The following TEX9 variants were observed in gnomAD, a reference collection of about 807,000 sequenced individuals.
The protein encoded by TEX9 is testis-expressed protein 9.
A neutral mutation model predicts 59.6 loss-of-function variants in TEX9; 74 were observed. The observed-to-expected ratio is 1.24, with a 90% CI of 1.03 to 1.51. The LOEUF (loss-of-function observed/expected upper bound fraction) is 1.51, where lower values mean the gene tolerates loss of function less well. Ranked by LOEUF, TEX9 falls within the 40% of genes most tolerant of loss-of-function variation. The probability of loss-of-function intolerance (pLI) is 0.00; values close to 1 mark genes in which losing one functional copy is unlikely to be tolerated. For missense variants in TEX9, 522 were observed against 447.8 expected (o/e 1.17, Z -1.49); for synonymous variants, 186 against 152.2 (o/e 1.22, Z -1.64).
rs150294064 is a variant in TEX9 at position 56,254,288 on chromosome 15, T to G, written c.-107+10010T>G. ...GATTGCTGAGGAGGTAGGATAAATT[T>G]CAGGGATGCTACAAGCTCAGAGAGA... On this transcript the variant is annotated intron_variant, in intron 1 of 5. Transcript: ENST00000560827. Among the ~76,000 whole-genome samples the G allele has an allele frequency of 5.8e-3, 875 of 152,126 alleles. 7 individuals are homozygous for G. The highest frequency in any genetic ancestry group is 0.02 in the African/African-American group (826 of 41,514).
At chr15:56,456,579 G>C in the TEX9 span, 1 of 1,565,492 alleles carries the variant, frequency 6.4e-7, no homozygotes, top group South Asian at 1.2e-5. Flanking sequence ...TTTTCATCAA[G>C]GTTGAATTTG....
At chr15:56,354,360 T>A (rs2141888613) in intron 1 of TEX9, among the ~76,000 whole-genome samples, 1 of 152,256 alleles carries the variant, frequency 6.6e-6, no homozygotes, top group Non-Finnish European at 1.5e-5. Context: ...ACTACCTCCA[T>A]CAGTCATCAT....
At chr15:56,369,976 A>G (rs1360679729) in intron 2 of TEX9, among the ~76,000 whole-genome samples, 1 of 128,842 alleles carries the variant, frequency 7.8e-6, no homozygotes, top group African/African-American at 2.8e-5. Context: ...TGCAGTGTCT[A>G]TCTTTCTTCA....
chr15:56,295,690 C>T (rs1010028455), intron 1 of TEX9, among the ~76,000 whole-genome samples: 3 of 152,216 alleles, frequency 2.0e-5, no homozygotes, highest in Non-Finnish European at 4.4e-5. Flanking sequence ...AATTTTACTA[C>T]TTTGTATGCC....
chr15:56,370,854 A>G lies in TEX9; in HGVS notation c.120-2587A>G, dbSNP rs149789470. Reference sequence around the variant, plus strand: ...AATACTGTCATTCTCTCCTCTTGGGATTTCTTTTTTTCTCTTTTGGAGACA... The same window carrying G: ...AATACTGTCATTCTCTCCTCTTGGGGTTTCTTTTTTTCTCTTTTGGAGACA... On this transcript the variant is annotated intron_variant, in intron 2 of 12. Transcript: ENST00000352903. Among the ~76,000 whole-genome samples the G allele has an allele frequency of 8.7e-3, 1,327 of 151,716 alleles. 23 individuals carry two copies. Among genetic ancestry groups the G allele is most frequent in the African/African-American group, 0.03 (1,251 of 41,346 alleles).
At chr15:56,403,677 A>T (rs1332545773) in intron 9 of TEX9, among the ~76,000 whole-genome samples, 2 of 152,244 alleles carry the variant, frequency 1.3e-5, no homozygotes, top group Non-Finnish European at 2.9e-5. Context: ...TTGCCAAGAC[A>T]ATCCTAAGCC....
chr15:56,429,961 A>C (rs1380208388), intron 12 of TEX9: 2 of 152,230 alleles, frequency 1.3e-5, no homozygotes, highest in Admixed American at 6.5e-5. Context: ...TATTAATTAC[A>C]TATGGATTTT....
At chr15:56,458,005 T>C in the TEX9 span, among the ~76,000 whole-genome samples, 1 of 152,150 alleles carries the variant, frequency 6.6e-6, no homozygotes. Context: ...AAATAAACTG[T>C]GGTACATCCA....
intron 3 of TEX9, among the ~76,000 whole-genome samples, chr15:56,373,801 C>A (rs2047301758): frequency 1.3e-5 from 2 of 152,104 alleles, no homozygotes; most frequent in Non-Finnish European, 2.9e-5. Context: ...GAGCAACTCT[C>A]CTTAGAGGAG....
chr15:56,419,116 C>CT (rs371786586), intron 10 of TEX9, among the ~76,000 whole-genome samples: 20 of 151,532 alleles, frequency 1.3e-4, no homozygotes, highest in Admixed American at 6.6e-4. Flanking sequence ...GTTTTACACA[C>CT]TTTTTTTTCA....
chr15:56,425,199 ATG>A (rs1157850420), intron 10 of TEX9, among the ~76,000 whole-genome samples: 6 of 152,132 alleles, frequency 3.9e-5, no homozygotes, highest in Non-Finnish European at 8.8e-5. Context: ...ACTGATTAAA[ATG>A]TGTCTTGCTG....
At chr15:56,290,306 G>GA (rs1245098919) in intron 1 of TEX9, among the ~76,000 whole-genome samples, 3 of 152,148 alleles carry the variant, frequency 2.0e-5, no homozygotes, top group African/African-American at 7.2e-5. Context: ...AGTGGCAAGA[G>GA]ATGCCAGTGT....
intron 1 of TEX9, among the ~76,000 whole-genome samples, chr15:56,274,199 C>T (rs575410197): frequency 6.6e-6 from 1 of 152,172 alleles, no homozygotes; most frequent in South Asian, 2.1e-4. Flanking sequence ...TTTTGTCCTT[C>T]AATTTGGATA....
upstream of TEX9, among the ~76,000 whole-genome samples, chr15:56,363,037 G>A (rs192756896): frequency 2.3e-4 from 35 of 152,196 alleles, no homozygotes; most frequent in African/African-American, 7.9e-4. Flanking sequence ...TGGCTGTTAT[G>A]AATAATCCTG....
At chr15:56,311,233 G>A (rs1340981961) in intron 1 of TEX9, among the ~76,000 whole-genome samples, 10 of 138,148 alleles carry the variant, frequency 7.2e-5, no homozygotes, top group African/African-American at 2.2e-4. Flanking sequence ...ATGCTGGTGC[G>A]CTGCACCCAC....
At chr15:56,278,337 C>G (rs1412347332) in intron 1 of TEX9, among the ~76,000 whole-genome samples, 2 of 152,180 alleles carry the variant, frequency 1.3e-5, no homozygotes, top group Non-Finnish European at 2.9e-5. Context: ...AGTGTTTCAT[C>G]TTTTCTCTGC....
chr15:56,386,831 G>A (rs2047982927), intron 4 of TEX9, among the ~76,000 whole-genome samples: 1 of 151,802 alleles, frequency 6.6e-6, no homozygotes, highest in Admixed American at 6.6e-5. Flanking sequence ...TAATGCAACT[G>A]TTTGAACAGA....
At chr15:56,275,930 G>T (rs1206653065) in intron 1 of TEX9, among the ~76,000 whole-genome samples, 1 of 152,062 alleles carries the variant, frequency 6.6e-6, no homozygotes, top group African/African-American at 2.4e-5. Flanking sequence ...ATAGTTGGCA[G>T]TTATATTTTC....
intron 1 of TEX9, among the ~76,000 whole-genome samples, chr15:56,277,012 G>GT (rs1403886894): frequency 1.7e-5 from 2 of 118,218 alleles, no homozygotes; most frequent in Admixed American, 8.4e-5. Context: ...TGATGGGGTT[G>GT]TTTGTTTTTT....
Sources: gnomAD v4.1 joint callset for allele counts (sites outside exome capture counted in the v4.1 genomes callset) on GRCh38, gnomAD v4.1.1 for gene constraint, MANE v1.5 for transcripts, NCBI Gene and HGNC (gene_info 2026-07-23, HGNC 2026-07-21) for gene names.